Variants in TMC3 observed in about 807,000 individuals in gnomAD.
TMC3 encodes transmembrane channel-like protein 3.
Under a neutral mutation model 110.6 loss-of-function variants are expected in TMC3, and 98 were observed. The ratio of observed to expected loss-of-function variants is 0.89; its 90% CI spans 0.75 to 1.05. The LOEUF is 1.05. Ranked by LOEUF, TMC3 falls within the 50% of genes least tolerant of loss-of-function variation. The pLI is 0.00. For synonymous variants in TMC3, 489 were observed against 513.1 expected (o/e 0.95, Z 0.63); for missense variants, 1,319 against 1,373.2 (o/e 0.96, Z 0.62).
intron 20 of TMC3, 136 bp from the exon 21 acceptor site, chr15:81,335,111 T>A: frequency 1.1e-6 from 1 of 892,992 alleles, no homozygotes; most frequent in Non-Finnish European, 1.7e-6. Flanking sequence ...CAAATGCACC[T>A]AACCAGTGGG....
chr15:81,365,984 C>A (rs1445463377), intron 3 of TMC3, among the ~76,000 whole-genome samples: 1 of 152,120 alleles, frequency 6.6e-6, no homozygotes, highest in Non-Finnish European at 1.5e-5. Flanking sequence ...ATTATACATA[C>A]ATATGTATGT....
intron 11 of TMC3, among the ~76,000 whole-genome samples, chr15:81,348,230 A>AT (rs1254845877): frequency 2.0e-5 from 3 of 152,196 alleles, no homozygotes; most frequent in Non-Finnish European, 4.4e-5. Context: ...AATGAGAGCA[A>AT]ATCTTCCCAA....
At chr15:81,339,546 G>T in intron 16 of TMC3, 42 bp from the exon 17 acceptor site, 1 of 1,474,398 alleles carries the variant, frequency 6.8e-7, no homozygotes, top group Non-Finnish European at 9.3e-7. Flanking sequence ...TCACTCCATA[G>T]CCAGTTGCCA....
chr15:81,368,436 G>C, intron 2 of TMC3, 108 bp from the exon 3 acceptor site: 1 of 765,108 alleles, frequency 1.3e-6, no homozygotes, highest in Non-Finnish European at 2.3e-6. Context: ...CCTGAAAAAT[G>C]ATACAGCAAA....
intron 2 of TMC3, among the ~76,000 whole-genome samples, chr15:81,372,145 G>T (rs372611803): frequency 1.8e-4 from 28 of 151,358 alleles, no homozygotes; most frequent in African/African-American, 6.3e-4. Context: ...CCAGAGGGTG[G>T]TAATATCCAA....
intron 3 of TMC3, among the ~76,000 whole-genome samples, chr15:81,364,700 C>CA (rs71153571): frequency 0.19 from 21,237 of 109,878 alleles, 3,101 homozygotes; most frequent in African/African-American, 0.44. Context: ...AACATTATTC[C>CA]AAAAAAAAAA....
chr15:81,346,308 A>G, intron 12 of TMC3, 57 bp downstream of exon 12: 1 of 1,448,430 alleles, frequency 6.9e-7, no homozygotes, highest in Non-Finnish European at 9.7e-7. Context: ...TGGTGTTGGG[A>G]GGAGGTAGCA....
chr15:81,372,349 GACACACACACACACACACACAC>G (rs371289786), intron 2 of TMC3, among the ~76,000 whole-genome samples: 1,292 of 116,856 alleles, frequency 0.011, 25 homozygotes, highest in African/African-American at 0.031. Context: ...CTGTCTCTCT[GACACACACACACACACACACAC>G]ACACACACAC....
In TMC3 at chr15:81,344,962, AAGGTGGTGGAATCT is replaced by A; in HGVS notation, c.1308_1321del (p.Asp437LeufsTer8). On this transcript the variant is annotated frameshift_variant, in exon 13 of 22. Transcript: ENST00000359440. LOFTEE classifies it high-confidence loss of function. ...TTCAGGGGCTGTCCTGGTTGCAAAG[AAGGTGGTGGAATCT>A]ATCCAATGACTTGTGTTATTTTTGG... is the stretch of plus-strand genomic sequence containing the variant. The A allele has an allele frequency of 6.2e-7, 1 of 1,606,796 alleles. No homozygotes were observed. Among genetic ancestry groups the A allele is most frequent in the South Asian group, 1.1e-5 (1 of 89,504 alleles).
chr15:81,332,931 G>T lies in TMC3; in HGVS notation c.2791C>A (p.Arg931=). ...YPRNVRQYAS[R]VPRQPPSPQL... ...GGGGAGGGAGGCTGGCGGGGGACCC[G>T]GGATGCATATTGTCGCACGTTCCTG... is the stretch of plus-strand genomic sequence containing the variant. The change falls in exon 22 of 22, where the codon CGG becomes AGG. Residue 931 remains arginine, a synonymous_variant. Transcript: ENST00000359440. 1.2e-6 allele frequency: 2 copies of T among 1,612,348 alleles called. No individual in the cohort carries two copies. Among genetic ancestry groups the T allele is most frequent in the Non-Finnish European group, 1.7e-6 (2 of 1,179,466 alleles).
At chr15:81,335,183 G>A (rs1433830230) in intron 20 of TMC3, among the ~76,000 whole-genome samples, 16 of 152,202 alleles carry the variant, frequency 1.1e-4, no homozygotes, top group Admixed American at 9.8e-4. Flanking sequence ...GAGTGTAGGA[G>A]GAATCAAGTG....
intron 3 of TMC3, among the ~76,000 whole-genome samples, chr15:81,366,874 T>C (rs556025477): frequency 6.6e-6 from 1 of 152,186 alleles, no homozygotes. Context: ...ATTAAGAATA[T>C]TTTTGTTTCA....
rs971303891 is a variant in TMC3, at chr15:81,365,687, A to G, written c.312+2566T>C. On this transcript the variant is annotated intron_variant, in intron 3 of 21. Coordinates refer to ENST00000359440, the MANE Select transcript of TMC3 (RefSeq NM_001080532.3). The stretch of plus-strand genomic sequence containing the variant: ...CTCTGTCTCAAAAAAAAAAAAAAAG[A>G]AAAAGAAAAAAAAGAAAAAAGCAAA... Among the ~76,000 whole-genome samples, 13 of 54,280 alleles carry G rather than the reference A, an allele frequency of 2.4e-4. No individual in the cohort carries two copies. The African/African-American group carries it at 2.8e-3, about 12-fold the overall frequency. The allele number at this position is 54,280 out of a possible 152,430, so 35.6% of individuals were successfully genotyped here. A position where few individuals can be genotyped will look rare whatever the true frequency, so the allele number is the denominator to read the frequency against.
Position 81,332,637 on chromosome 15 carries a change from T to TG in TMC3, c.3084dup (p.Arg1029GlnfsTer14), listed in dbSNP as rs756236414. 1.2e-6 allele frequency: 2 copies of TG among 1,614,002 alleles called. No individual in the cohort carries two copies. The highest frequency in any genetic ancestry group is 1.7e-6 in the Non-Finnish European group (2 of 1,179,886). ...GATGGCTCGAACCTGGGCTTCCCTC[T>TG]GGGCTTCAGAGGGGGCTGTGGGTAT... On this transcript the variant is annotated frameshift_variant, in exon 22 of 22. Coordinates refer to ENST00000359440, the MANE Select transcript of TMC3 (RefSeq NM_001080532.3). LOFTEE classifies it low-confidence loss of function (END_TRUNC).
chr15:81,366,372 G>A (rs1200222326), intron 3 of TMC3, among the ~76,000 whole-genome samples: 2 of 152,212 alleles, frequency 1.3e-5, no homozygotes, highest in Non-Finnish European at 2.9e-5. Flanking sequence ...CAAGTTGTGG[G>A]TTAGCACGAG....
In TMC3 at chr15:81,344,884, G is replaced by A; in HGVS notation, c.1400C>T (p.Thr467Ile). The change falls in exon 13 of 22, where the codon ACA (threonine) becomes ATA (isoleucine). Residue 467 changes from threonine to isoleucine, a missense_variant. Coordinates refer to ENST00000359440, the MANE Select transcript of TMC3 (RefSeq NM_001080532.3). ...RPGMGLRRNN[T>I]WALEETSISA... ...AATGCTGGTCTCTTCCAAGGCCCAT[G>A]TGTTGTTTCTCCTGAGCCCCATTCC... 2 of 1,614,008 alleles carry A rather than the reference G, an allele frequency of 1.2e-6. No homozygotes were observed. The highest frequency in any genetic ancestry group is 1.1e-5 in the South Asian group (1 of 91,074).
chr15:81,367,374 A>T (rs74028646), intron 3 of TMC3, among the ~76,000 whole-genome samples: 2,736 of 152,332 alleles, frequency 0.018, 102 homozygotes, highest in African/African-American at 0.062. Flanking sequence ...TATGAAAATA[A>T]TTATGCAATG....
rs1470719729 is a variant in TMC3 at position 81,359,471 on chromosome 15, C to T, written c.395G>A (p.Ser132Asn). 1.4e-5 allele frequency: 22 copies of T among 1,570,048 alleles called. No individual in the cohort carries two copies. The highest frequency in any genetic ancestry group is 1.9e-5 in the Non-Finnish European group (22 of 1,159,386). The change falls in exon 5 of 22, where the codon AGT becomes AAT. Residue 132 changes from serine to asparagine, a missense_variant and splice_region_variant. Physicochemically the swap from Ser to Asn is conservative, Grantham distance 46. Transcript: ENST00000359440. ...GGAGGCAACGCCAGATCCAAAATGA[C>T]CTAAAGAAAGACAAGATAATGAGAA... is the stretch of plus-strand genomic sequence containing the variant. ...PWEMRIKKIE[S>N]HFGSGVASYF...
intron 8 of TMC3, among the ~76,000 whole-genome samples, chr15:81,356,188 T>C (rs950794002): frequency 6.6e-6 from 1 of 152,238 alleles, no homozygotes; most frequent in Non-Finnish European, 1.5e-5. Flanking sequence ...ATGTAAATTA[T>C]CTAAAATATA....
Sources: allele counts gnomAD v4.1 joint callset (sites outside exome capture counted in the v4.1 genomes callset), GRCh38; gene constraint gnomAD v4.1.1; transcripts MANE v1.5; gene names NCBI Gene and HGNC (gene_info 2026-07-23, HGNC 2026-07-21).